Variants in TARBP1 observed in about 807,000 individuals in gnomAD.
The protein encoded by TARBP1 is tRNA guanosine 2 -O-methyltransferase TARBP1, also known as tRNA (guanosine(18)-2'-O)-methyltransferase TARBP1.
TARBP1 carries 144 observed loss-of-function variants against 178.6 expected under a neutral mutation model. The ratio of observed to expected loss-of-function variants is 0.81; its 90% confidence interval spans 0.70 to 0.93. The LOEUF is 0.93. TARBP1 is among the 40% of genes least tolerant of loss of function. TARBP1 has a pLI of 0.00. For missense variants in TARBP1, 2,067 were observed against 2,011.7 expected, an observed-to-expected ratio of 1.03 and a Z score of -0.53; for synonymous variants, 787 against 781.0, an observed-to-expected ratio of 1.01 and a Z score of -0.13.
chr1:234,472,567 C>T (rs1446207630), intron 2 of TARBP1, 147 bp downstream of exon 2: 5 of 549,158 alleles, frequency 9.1e-6, no homozygotes, highest in Admixed American at 8.0e-5. Flanking sequence ...CTCTAAGTTG[C>T]ATTTATGCCA....
rs536186036 is a variant in TARBP1, at chr1:234,439,642, A to G, written c.2135-2270T>C. Among the ~76,000 whole-genome samples, 3 of 152,320 alleles carry G rather than the reference A, an allele frequency of 2.0e-5. No individual in the cohort carries two copies. In the South Asian group the frequency reaches 6.2e-4, roughly 32 times the overall value. On this transcript the variant is annotated intron_variant, in intron 12 of 29. Coordinates refer to ENST00000040877, the MANE Select transcript of TARBP1 (RefSeq NM_005646.4). ...AGAGTTCGAGACTAACATGGCCAACATGGTGAAACCTCATTTCTACTAAAA... is the reference window on the plus strand; with the variant it reads ...AGAGTTCGAGACTAACATGGCCAACGTGGTGAAACCTCATTTCTACTAAAA...
chr1:234,422,770 C>A (rs1040158286), intron 20 of TARBP1, among the ~76,000 whole-genome samples: 1 of 152,212 alleles, frequency 6.6e-6, no homozygotes, highest in Admixed American at 6.5e-5. Context: ...AGCATAAATG[C>A]TTGAGGTGAC....
intron 23 of TARBP1, among the ~76,000 whole-genome samples, chr1:234,409,153 GT>G (rs1013108035): frequency 4.0e-5 from 6 of 149,122 alleles, no homozygotes; most frequent in East Asian, 2.0e-4. Context: ...TGTCAAGTCA[GT>G]TTTTTTTTTC....
chr1:234,391,810 TTTTTA>T, intron 29 of TARBP1, 65 bp from the exon 30 acceptor site: 8 of 1,486,646 alleles, frequency 5.4e-6, no homozygotes, highest in Middle Eastern at 2.3e-4. Flanking sequence ...TTTGATATTC[TTTTTA>T]TTTTTTGTTT....
chr1:234,420,652 G>T, intron 21 of TARBP1, 50 bp downstream of exon 21: 2 of 1,217,120 alleles, frequency 1.6e-6, no homozygotes, highest in South Asian at 1.4e-5. Flanking sequence ...AAATAGTTCA[G>T]TCATGAAATC....
chr1:234,416,979 G>A (rs1304022068), intron 22 of TARBP1, among the ~76,000 whole-genome samples: 1 of 152,182 alleles, frequency 6.6e-6, no homozygotes, highest in Non-Finnish European at 1.5e-5. Context: ...GGAGAGGGAA[G>A]CAAGTATGTG....
At chr1:234,459,967 C>T (rs1299552644) in intron 7 of TARBP1, among the ~76,000 whole-genome samples, 1 of 151,612 alleles carries the variant, frequency 6.6e-6, no homozygotes. Context: ...CTTTAGCTTT[C>T]TACTTACGAA....
rs570210501 is a variant in TARBP1 at position 234,418,932 on chromosome 1, G to C, written c.3556-699C>G. ...TCATGCCTGTAATCCCAGCACTTTG[G>C]GAGGCCGAGGCGGGCGGATCACAAG... is the stretch of plus-strand genomic sequence containing the variant. On this transcript the variant is annotated intron_variant, in intron 21 of 29. Coordinates refer to ENST00000040877, the MANE Select transcript of TARBP1 (RefSeq NM_005646.4). Among the ~76,000 whole-genome samples the C allele has an allele frequency of 4.9e-3, 742 of 152,292 alleles. 6 individuals are homozygous for C. Among genetic ancestry groups the C allele is most frequent in the African/African-American group, 0.017 (699 of 41,578 alleles).
At chr1:234,414,568 G>A (rs988303591) in intron 22 of TARBP1, among the ~76,000 whole-genome samples, 1 of 152,182 alleles carries the variant, frequency 6.6e-6, no homozygotes, top group African/African-American at 2.4e-5. Context: ...GCTGACAGAA[G>A]AAGACAAAGG....
intron 20 of TARBP1, among the ~76,000 whole-genome samples, chr1:234,422,115 C>T (rs1663172254): frequency 6.6e-6 from 1 of 152,160 alleles, no homozygotes. Flanking sequence ...TAGGGTGGAT[C>T]ATTCACGCAT....
chr1:234,407,341 C>CTTTTTTTTTTTTTTT lies in TARBP1; in HGVS notation c.3793-1243_3793-1242insAAAAAAAAAAAAAAA, dbSNP rs543930869. 1.4e-3 allele frequency: 198 copies of CTTTTTTTTTTTTTTT among 137,012 alleles called. 5 individuals are homozygous for CTTTTTTTTTTTTTTT. Among genetic ancestry groups the CTTTTTTTTTTTTTTT allele is most frequent in the African/African-American group, 5.1e-3 (187 of 36,566 alleles). 8.5% of individuals were successfully genotyped at this position (137,012 alleles called of 1,614,324 possible). ...TTACAAGAGATTTGTCTTGTCCATC[C>CTTTTTTTTTTTTTTT]TTTTTTTTTTTTTTGAGATGGAGTC... On this transcript the variant is annotated intron_variant, in intron 23 of 29. Coordinates refer to ENST00000040877, the MANE Select transcript of TARBP1 (RefSeq NM_005646.4).
At chr1:234,455,410 G>A (rs570048100) in intron 9 of TARBP1, among the ~76,000 whole-genome samples, 4 of 152,202 alleles carry the variant, frequency 2.6e-5, no homozygotes, top group East Asian at 1.9e-4. Context: ...TCAACAGTTC[G>A]GCAATGGGGG....
intron 12 of TARBP1, among the ~76,000 whole-genome samples, chr1:234,439,317 T>C (rs1235314060): frequency 2.0e-5 from 3 of 152,104 alleles, no homozygotes; most frequent in Non-Finnish European, 4.4e-5. Context: ...CAAATGTAAA[T>C]ATAAGACAAC....
chr1:234,417,758 C>T (rs1572257497), intron 22 of TARBP1, among the ~76,000 whole-genome samples: 1 of 152,110 alleles, frequency 6.6e-6, no homozygotes, highest in Non-Finnish European at 1.5e-5. Flanking sequence ...AATTCCTCAT[C>T]GTTCATATTT....
chr1:234,398,254 TGGAAAGGCAGA>T (rs1273227327), intron 26 of TARBP1, 117 bp downstream of exon 26: 3 of 692,030 alleles, frequency 4.3e-6, no homozygotes, highest in Non-Finnish European at 6.3e-6. Flanking sequence ...TTTCCCTAAG[TGGAAAGGCAGA>T]GGTCACCATG....
chr1:234,421,410 A>G (rs1194135169), intron 20 of TARBP1, among the ~76,000 whole-genome samples: 1 of 152,166 alleles, frequency 6.6e-6, no homozygotes, highest in East Asian at 1.9e-4. Flanking sequence ...AAATTAGAAG[A>G]GGGCCAAAAA....
intron 29 of TARBP1, 148 bp from the exon 30 acceptor site, chr1:234,391,893 C>A: frequency 1.2e-6 from 1 of 865,106 alleles, no homozygotes; most frequent in Non-Finnish European, 1.8e-6. Flanking sequence ...GAAGTTAAGT[C>A]TGTAGTACCG....
chr1:234,411,916 T>G (rs550389421), intron 22 of TARBP1, among the ~76,000 whole-genome samples: 38 of 152,128 alleles, frequency 2.5e-4, no homozygotes, highest in Non-Finnish European at 4.3e-4. Context: ...GGCAAATCAT[T>G]TATTATTATT....
At chr1:234,467,775 G>A (rs1668599101) in intron 3 of TARBP1, 125 bp from the exon 4 acceptor site, 2 of 1,068,944 alleles carry the variant, frequency 1.9e-6, no homozygotes, top group South Asian at 2.4e-5. Context: ...AGAAGTTTTT[G>A]TTACTGTTTT....
Sources: allele counts gnomAD v4.1 joint callset (sites outside exome capture counted in the v4.1 genomes callset), GRCh38; gene constraint gnomAD v4.1.1; transcripts MANE v1.5; gene names NCBI Gene and HGNC (gene_info 2026-07-23, HGNC 2026-07-21).